The following THSD7B variants were observed in gnomAD, a reference collection of about 807,000 sequenced individuals.
THSD7B encodes thrombospondin type-1 domain-containing protein 7B.
A neutral mutation model predicts 213.6 loss-of-function variants in THSD7B; 138 were observed. That is an observed-to-expected ratio of 0.65 (90% confidence interval 0.56 to 0.74). THSD7B has a LOEUF of 0.74. Among genes scored for constraint, THSD7B ranks in the 30% least tolerant of loss-of-function variants. THSD7B has a pLI of 0.00. For missense variants in THSD7B, 1,931 were observed against 1,991.5 expected, an observed-to-expected ratio of 0.97 and a Z score of 0.58; for synonymous variants, 742 against 687.0, an observed-to-expected ratio of 1.08 and a Z score of -1.25.
At chr2:137,148,783 C>T (rs1168595461) in intron 5 of THSD7B, among the ~76,000 whole-genome samples, 3 of 152,054 alleles carry the variant, frequency 2.0e-5, no homozygotes, top group South Asian at 4.1e-4. Flanking sequence ...AAGAAATTTG[C>T]AGCAAAGTGC....
rs578115111 is a variant in THSD7B at position 137,171,787 on chromosome 2, T to C, written c.1723+849T>C. ...TCAGAGCACACAGGGTTGATATATA[T>C]TGCAAAGCTTTTCATTCCTTTTTTT... is the stretch of plus-strand genomic sequence containing the variant. On this transcript the variant is annotated intron_variant, in intron 7 of 27. Coordinates refer to ENST00000409968, the MANE Select transcript of THSD7B (RefSeq NM_001316349.2). 2.6e-5 allele frequency among the ~76,000 whole-genome samples: 4 copies of C among 152,322 alleles called. No individual in the cohort carries two copies. The East Asian group carries it at 7.7e-4, about 29-fold the overall frequency.
chr2:137,019,622 A>G (rs1686405417), intron 2 of THSD7B, among the ~76,000 whole-genome samples: 1 of 152,204 alleles, frequency 6.6e-6, no homozygotes, highest in African/African-American at 2.4e-5. Flanking sequence ...CCTTTCAAAC[A>G]TCTTGCAAAC....
chr2:137,314,214 T>A (rs970083602), intron 12 of THSD7B, among the ~76,000 whole-genome samples: 2 of 152,214 alleles, frequency 1.3e-5, no homozygotes, highest in African/African-American at 2.4e-5. Flanking sequence ...TTCTTTTTAT[T>A]CTTTTTTCTC....
intron 12 of THSD7B, among the ~76,000 whole-genome samples, chr2:137,393,147 T>C (rs1398104711): frequency 1.2e-5 from 1 of 85,846 alleles, no homozygotes; most frequent in Non-Finnish European, 2.7e-5. Flanking sequence ...TTCTTCCAGC[T>C]TTTTTTTTTT....
At chr2:137,662,748 A>G (rs548706811) in intron 25 of THSD7B, among the ~76,000 whole-genome samples, 1 of 152,262 alleles carries the variant, frequency 6.6e-6, no homozygotes, top group African/African-American at 2.4e-5. Flanking sequence ...AATGCCATAA[A>G]CATCTCCATA....
intron 15 of THSD7B, among the ~76,000 whole-genome samples, chr2:137,478,734 TA>T (rs1268460000): frequency 6.6e-6 from 1 of 152,190 alleles, no homozygotes; most frequent in Non-Finnish European, 1.5e-5. Flanking sequence ...GACATTTTCC[TA>T]AAGTTGTATC....
rs1486431565 is a variant in THSD7B at position 137,272,581 on chromosome 2, C to A, written c.2315C>A (p.Ala772Glu). 1.9e-6 allele frequency: 3 copies of A among 1,611,896 alleles called. No homozygotes were observed. Among genetic ancestry groups the A allele is most frequent in the African/African-American group, 1.3e-5 (1 of 74,828 alleles). Residue 772 changes from alanine to glutamate, a missense_variant, in exon 11 of 28, where the codon GCA (alanine) becomes GAA (glutamate). Ala to Glu is a moderately radical substitution (Grantham distance 107, BLOSUM62 -1). Transcript: ENST00000409968. ...QSRYRIIIQE[A>E]ANGGQECPDT... ...CGATACAGAATCATCATCCAAGAAG[C>A]AGCCAATGGAGGCCAGGAATGCCCA...
Position 137,450,930 on chromosome 2 carries a change from T to C in THSD7B, c.3045T>C (p.Ser1015=), listed in dbSNP as rs760682898. Residue 1015 remains serine, a synonymous_variant, in exon 15 of 28, where the codon TCT becomes TCC. Transcript: ENST00000409968. ...DWSSWGSCSS[S]CGIGVRIRSK... ...CTAGTTGGGGGTCTTGCAGTTCATC[T>C]TGTGGAATTGGAGTGAGAATTCGAT... 6.2e-7 allele frequency: 1 copy of C among 1,613,624 alleles called. No homozygotes were observed. Among genetic ancestry groups the C allele is most frequent in the African/African-American group, 1.3e-5 (1 of 74,928 alleles).
chr2:137,160,841 C>T (rs537208768), intron 6 of THSD7B, among the ~76,000 whole-genome samples: 2 of 152,256 alleles, frequency 1.3e-5, no homozygotes, highest in South Asian at 4.1e-4. Context: ...CCAGGCTGGT[C>T]TCGAACTCCT....
intron 2 of THSD7B, among the ~76,000 whole-genome samples, chr2:136,979,363 C>T (rs990792237): frequency 2.0e-5 from 3 of 152,134 alleles, no homozygotes; most frequent in African/African-American, 4.8e-5. Context: ...GGAAGTGCTC[C>T]TGGATGATAT....
chr2:137,152,549 C>T (rs532688177), intron 5 of THSD7B, among the ~76,000 whole-genome samples: 18 of 152,102 alleles, frequency 1.2e-4, no homozygotes, highest in Non-Finnish European at 2.1e-4. Context: ...GATAATTGTA[C>T]GCACCTGAGT....
chr2:136,959,013 G>A (rs889574880), intron 2 of THSD7B, among the ~76,000 whole-genome samples: 7 of 152,110 alleles, frequency 4.6e-5, no homozygotes, highest in African/African-American at 1.7e-4. Flanking sequence ...GAGGGAGAGT[G>A]TACCTGACTA....
At chr2:137,574,233 G>A (rs534746126) in intron 17 of THSD7B, among the ~76,000 whole-genome samples, 2 of 152,172 alleles carry the variant, frequency 1.3e-5, no homozygotes, top group African/African-American at 4.8e-5. Flanking sequence ...ACACAAAGTT[G>A]TGAAGGTTTA....
intron 20 of THSD7B, among the ~76,000 whole-genome samples, chr2:137,640,803 T>C (rs1682924866): frequency 6.6e-6 from 1 of 152,248 alleles, no homozygotes; most frequent in African/African-American, 2.4e-5. Context: ...ATCACATCAA[T>C]AATTTATGAA....
intron 14 of THSD7B, among the ~76,000 whole-genome samples, chr2:137,412,359 G>A (rs541454447): frequency 3.8e-4 from 58 of 152,116 alleles, no homozygotes; most frequent in Non-Finnish European, 7.5e-4. Context: ...CCAGCACTTT[G>A]AGAGGCCGAG....
intron 1 of THSD7B, among the ~76,000 whole-genome samples, chr2:136,855,836 T>C (rs1683173260): frequency 6.6e-6 from 1 of 151,932 alleles, no homozygotes. Context: ...AGGATCACCA[T>C]TTTGCTCTCA....
rs544520726 is a variant in THSD7B, at chr2:137,279,325, C to A, written c.2500+3299C>A. ...CTGAGGTGAGAGGATTCCTTGAGCT[C>A]AAGAGTTGGAGACCAGCCTGGACAA... On this transcript the variant is annotated intron_variant, in intron 12 of 27. Coordinates refer to ENST00000409968, the MANE Select transcript of THSD7B (RefSeq NM_001316349.2). 2.0e-5 allele frequency among the ~76,000 whole-genome samples: 3 copies of A among 152,060 alleles called. No individual in the cohort carries two copies. The East Asian group carries it at 5.8e-4, about 30-fold the overall frequency.
chr2:137,213,238 A>T (rs986569799), intron 7 of THSD7B, among the ~76,000 whole-genome samples: 1 of 151,166 alleles, frequency 6.6e-6, no homozygotes, highest in Non-Finnish European at 1.5e-5. Flanking sequence ...CTAGCTAGAT[A>T]TCAGGTAGGT....
chr2:136,986,865 G>A (rs1436713666), intron 2 of THSD7B, among the ~76,000 whole-genome samples: 2 of 152,180 alleles, frequency 1.3e-5, no homozygotes, highest in South Asian at 4.1e-4. Flanking sequence ...TGTAAGCATA[G>A]CTTATAATTT....
Sources: gnomAD v4.1 joint callset for allele counts (sites outside exome capture counted in the v4.1 genomes callset) on GRCh38, gnomAD v4.1.1 for gene constraint, MANE v1.5 for transcripts, NCBI Gene and HGNC (gene_info 2026-07-23, HGNC 2026-07-21) for gene names.